The following DDX10 variants were observed in gnomAD, a reference collection of about 807,000 sequenced individuals.
DDX10 encodes probable ATP-dependent RNA helicase DDX10.
DDX10 carries 74 observed loss-of-function variants against 104.3 expected under a neutral mutation model. The ratio of observed to expected loss-of-function variants is 0.71; its 90% CI spans 0.59 to 0.86. DDX10 has a LOEUF of 0.86. Ranked by LOEUF, DDX10 falls within the 40% of genes least tolerant of loss-of-function variation. The pLI, the probability that DDX10 is intolerant of heterozygous loss-of-function variation, is 0.00. For missense variants in DDX10, 952 were observed against 1,040.0 expected, an observed-to-expected ratio of 0.92 and a Z score of 1.16; for synonymous variants, 351 against 353.4, an observed-to-expected ratio of 0.99 and a Z score of 0.08.
chr11:108,891,048 A>G (rs1863369214), intron 16 of DDX10, among the ~76,000 whole-genome samples: 1 of 151,972 alleles, frequency 6.6e-6, no homozygotes, highest in Admixed American at 6.6e-5. Flanking sequence ...TAGTTTTTAA[A>G]TTTTGTCTCA....
At chr11:108,776,307 AT>A (rs1207045115) in intron 13 of DDX10, among the ~76,000 whole-genome samples, 2 of 152,154 alleles carry the variant, frequency 1.3e-5, no homozygotes, top group Non-Finnish European at 2.9e-5. Flanking sequence ...TTGCACGTGC[AT>A]TTCAGCTGTC....
intron 13 of DDX10, among the ~76,000 whole-genome samples, chr11:108,773,894 A>G (rs1292775423): frequency 2.0e-5 from 3 of 152,162 alleles, no homozygotes; most frequent in Non-Finnish European, 4.4e-5. Flanking sequence ...GGGCCCAGAG[A>G]AGCATAAAAG....
chr11:108,786,020 C>T (rs886317194), intron 13 of DDX10, among the ~76,000 whole-genome samples: 2 of 152,028 alleles, frequency 1.3e-5, no homozygotes, highest in African/African-American at 2.4e-5. Context: ...TAGCTGCCTC[C>T]CAAAGATTTT....
At chr11:108,824,243 A>G (rs749799815) in intron 13 of DDX10, among the ~76,000 whole-genome samples, 5 of 152,084 alleles carry the variant, frequency 3.3e-5, no homozygotes, top group Non-Finnish European at 7.4e-5. Context: ...GGGTTTCACT[A>G]TGTTGGCCAG....
At chr11:108,776,038 T>A (rs1012256972) in intron 13 of DDX10, among the ~76,000 whole-genome samples, 2 of 152,226 alleles carry the variant, frequency 1.3e-5, no homozygotes, top group Non-Finnish European at 2.9e-5. Context: ...GCAATATGTT[T>A]AGCTGTTCAC....
chr11:108,925,633 C>T (rs1348886234), intron 17 of DDX10, among the ~76,000 whole-genome samples: 1 of 152,188 alleles, frequency 6.6e-6, no homozygotes, highest in Non-Finnish European at 1.5e-5. Context: ...TTGGTTACAC[C>T]ATAAGTTCCT....
At chr11:108,707,729 G>C (rs1011933252) in intron 10 of DDX10, among the ~76,000 whole-genome samples, 1 of 152,152 alleles carries the variant, frequency 6.6e-6, no homozygotes, top group African/African-American at 2.4e-5. Flanking sequence ...GATAGATCAA[G>C]AAGAGAAAAG....
intron 13 of DDX10, among the ~76,000 whole-genome samples, chr11:108,831,486 T>C (rs1862471378): frequency 6.9e-6 from 1 of 145,640 alleles, no homozygotes; most frequent in Non-Finnish European, 1.5e-5. Flanking sequence ...TCAGCTATAA[T>C]AGGTAATCTT....
chr11:108,843,122 A>G (rs1302479867), intron 15 of DDX10, among the ~76,000 whole-genome samples: 2 of 152,220 alleles, frequency 1.3e-5, no homozygotes, highest in Non-Finnish European at 2.9e-5. Flanking sequence ...GAGTGGGTGC[A>G]GTAGTTTGCA....
Position 108,868,468 on chromosome 11 carries a change from C to T in DDX10, c.2304+16259C>T, listed in dbSNP as rs1863036606. 2.0e-5 allele frequency: 3 copies of T among 151,808 alleles called. No homozygotes were observed. The South Asian group carries it at 6.2e-4, about 32-fold the overall frequency. The allele number at this position is 151,808 out of a possible 1,614,324, so 9.4% of individuals were successfully genotyped here. On this transcript the variant is annotated intron_variant, in intron 16 of 17. Coordinates refer to ENST00000322536, the MANE Select transcript of DDX10 (RefSeq NM_004398.4). ...ACATACAACATTAAAAGAAAAATTTCACAAAATGATAACTTACCTTATTAT... is the reference window on the plus strand; with the variant it reads ...ACATACAACATTAAAAGAAAAATTTTACAAAATGATAACTTACCTTATTAT...
intron 15 of DDX10, among the ~76,000 whole-genome samples, chr11:108,850,755 G>A (rs770722059): frequency 7.2e-5 from 11 of 152,092 alleles, no homozygotes; most frequent in Non-Finnish European, 1.5e-4. Context: ...TGTTCCAGTG[G>A]AGGAGTATGA....
At chr11:108,925,070 A>T (rs1364839104) in intron 17 of DDX10, among the ~76,000 whole-genome samples, 1 of 152,222 alleles carries the variant, frequency 6.6e-6, no homozygotes, top group African/African-American at 2.4e-5. Context: ...TTCAAGAGAA[A>T]ATCTCAGTCG....
At chr11:108,851,175 T>C (rs1862786962) in intron 15 of DDX10, among the ~76,000 whole-genome samples, 2 of 152,006 alleles carry the variant, frequency 1.3e-5, no homozygotes, top group South Asian at 4.1e-4. Context: ...TAACATAAAA[T>C]ATAGTTATAT....
chr11:108,688,534 G>A (rs888457422), intron 6 of DDX10, among the ~76,000 whole-genome samples: 1 of 152,086 alleles, frequency 6.6e-6, no homozygotes, highest in Non-Finnish European at 1.5e-5. Context: ...CATAAAATTT[G>A]TGTACCATGA....
At chr11:108,743,019 C>T (rs1334113708) in intron 13 of DDX10, among the ~76,000 whole-genome samples, 1 of 152,168 alleles carries the variant, frequency 6.6e-6, no homozygotes, top group Non-Finnish European at 1.5e-5. Context: ...AAGGGACCTC[C>T]TCCTGAATTC....
At chr11:108,808,076 A>G (rs1429902654) in intron 13 of DDX10, among the ~76,000 whole-genome samples, 7 of 152,222 alleles carry the variant, frequency 4.6e-5, no homozygotes, top group Non-Finnish European at 7.3e-5. Context: ...GGCTAATTTC[A>G]TAGAGTCATG....
At chr11:108,750,603 A>T (rs888861756) in intron 13 of DDX10, among the ~76,000 whole-genome samples, 1 of 152,020 alleles carries the variant, frequency 6.6e-6, no homozygotes, top group African/African-American at 2.4e-5. Flanking sequence ...TAATATATAC[A>T]TTGGATTAGT....
intron 16 of DDX10, among the ~76,000 whole-genome samples, chr11:108,915,425 A>G (rs370656450): frequency 4.7e-5 from 7 of 147,670 alleles, no homozygotes; most frequent in African/African-American, 1.8e-4. Flanking sequence ...CAATACTAAA[A>G]AGGCTTGTTT....
chr11:108,748,010 T>C (rs1329245645), intron 13 of DDX10, among the ~76,000 whole-genome samples: 1 of 152,112 alleles, frequency 6.6e-6, no homozygotes, highest in African/African-American at 2.4e-5. Flanking sequence ...TAGACTGATG[T>C]GCGTGCAAAA....
Sources: gnomAD v4.1 joint callset for allele counts (sites outside exome capture counted in the v4.1 genomes callset) on GRCh38, gnomAD v4.1.1 for gene constraint, MANE v1.5 for transcripts, NCBI Gene and HGNC (gene_info 2026-07-23, HGNC 2026-07-21) for gene names.